Variants in GABRA3 observed in about 807,000 individuals in gnomAD.
GABRA3 encodes gamma-aminobutyric acid type A receptor subunit alpha3.
A neutral mutation model predicts 30.1 loss-of-function variants in GABRA3; 10 were observed. That is an observed-to-expected ratio of 0.33 (90% CI 0.20 to 0.56). The LOEUF is 0.56. Among genes scored for constraint, GABRA3 ranks in the 20% least tolerant of loss-of-function variants. The pLI, the probability that GABRA3 is intolerant of heterozygous loss-of-function variation, is 0.89. For synonymous variants in GABRA3, 151 were observed against 146.8 expected (o/e 1.03, Z -0.21); for missense variants, 233 against 392.0 (o/e 0.59, Z 3.42).
intron 1 of GABRA3, among the ~76,000 whole-genome samples, chrX:152,390,187 G>A (rs980857508): frequency 3.6e-5 from 4 of 111,601 alleles, no homozygotes; most frequent in African/African-American, 6.5e-5. Flanking sequence ...TAATTTGATC[G>A]TCTGAAGCCT....
intron 3 of GABRA3, among the ~76,000 whole-genome samples, chrX:152,313,890 T>C (rs1455751471): frequency 9.0e-6 from 1 of 111,206 alleles, no homozygotes; most frequent in Non-Finnish European, 1.9e-5. Flanking sequence ...GACCCATTCC[T>C]AGGTTTCAAA....
At chrX:152,397,360 AT>A (rs1462959911) in intron 1 of GABRA3, among the ~76,000 whole-genome samples, 1 of 112,482 alleles carries the variant, frequency 8.9e-6, no homozygotes, top group Non-Finnish European at 1.9e-5. Flanking sequence ...GCCTATGGTC[AT>A]TTAAGATTTC....
intron 4 of GABRA3, among the ~76,000 whole-genome samples, chrX:152,260,302 G>T (rs1021343027): frequency 9.8e-5 from 11 of 111,773 alleles, no homozygotes; most frequent in African/African-American, 3.6e-4. Context: ...CAAGGGCCTG[G>T]AAGAATTCAC....
chrX:152,247,236 C>T (rs778377326), intron 5 of GABRA3, among the ~76,000 whole-genome samples: 5 of 111,753 alleles, frequency 4.5e-5, no homozygotes, highest in South Asian at 3.7e-4. Flanking sequence ...GAGAAACTAG[C>T]GCCTATTTCC....
At chrX:152,231,032 A>G (rs758729136) in intron 5 of GABRA3, among the ~76,000 whole-genome samples, 1 of 110,232 alleles carries the variant, frequency 9.1e-6, no homozygotes, top group South Asian at 3.8e-4. Flanking sequence ...AAGAAAGTGA[A>G]TATATTTGTG....
intron 3 of GABRA3, among the ~76,000 whole-genome samples, chrX:152,330,112 T>C (rs1390472498): frequency 8.9e-6 from 1 of 112,162 alleles, no homozygotes; most frequent in Non-Finnish European, 1.9e-5. Flanking sequence ...TCATCATCAC[T>C]GGCCATCAGA....
At chrX:152,350,169 A>T (rs1339657108) in intron 2 of GABRA3, among the ~76,000 whole-genome samples, 3 of 106,139 alleles carry the variant, frequency 2.8e-5, no homozygotes, top group African/African-American at 1.1e-4. Context: ...AAACCGCTCA[A>T]TTACATGGAA....
intron 4 of GABRA3, among the ~76,000 whole-genome samples, chrX:152,275,890 C>A (rs1222694137): frequency 9.1e-6 from 1 of 109,576 alleles, no homozygotes; most frequent in Non-Finnish European, 1.9e-5. Flanking sequence ...AACACACATA[C>A]AAATACTAAT....
chrX:152,322,997 C>T (rs1321473309), intron 3 of GABRA3, among the ~76,000 whole-genome samples: 9 of 106,239 alleles, frequency 8.5e-5, no homozygotes, highest in African/African-American at 1.7e-4. Context: ...GGACTACAGG[C>T]GCGCACCACC....
chrX:152,445,243 C>T lies in GABRA3; in HGVS notation c.-27+5903G>A, dbSNP rs187523258. Among the ~76,000 whole-genome samples, 5 of 109,454 alleles carry T rather than the reference C, an allele frequency of 4.6e-5. No homozygotes were observed. In the East Asian group the frequency reaches 1.4e-3, roughly 31 times the overall value. On this transcript the variant is annotated intron_variant, in intron 1 of 9. Coordinates refer to ENST00000370314, the MANE Select transcript of GABRA3 (RefSeq NM_000808.4). Reference sequence around the variant, plus strand: ...AATCATGCTTTTAAGTATAAAAATGCTTTTATATTACCAACTAGTATTTCC... The same window carrying T: ...AATCATGCTTTTAAGTATAAAAATGTTTTTATATTACCAACTAGTATTTCC...
chrX:152,201,077 C>T (rs1217107621), intron 7 of GABRA3, among the ~76,000 whole-genome samples: 1 of 112,295 alleles, frequency 8.9e-6, no homozygotes. Flanking sequence ...CACGAGTATT[C>T]ACAACTTAGA....
At chrX:152,440,299 G>GCAAAT (rs1244723616) in intron 1 of GABRA3, among the ~76,000 whole-genome samples, 3 of 112,404 alleles carry the variant, frequency 2.7e-5, no homozygotes, top group Non-Finnish European at 5.6e-5. Context: ...TTAGAGAAAT[G>GCAAAT]CAAATCAAAA....
intron 3 of GABRA3, among the ~76,000 whole-genome samples, chrX:152,315,218 C>G (rs193020911): frequency 1.7e-4 from 19 of 111,500 alleles, no homozygotes; most frequent in Non-Finnish European, 3.4e-4. Flanking sequence ...TCATCTGCCC[C>G]CAAACACACA....
intron 2 of GABRA3, among the ~76,000 whole-genome samples, chrX:152,347,816 T>C (rs1322035180): frequency 9.0e-6 from 1 of 111,084 alleles, no homozygotes; most frequent in Admixed American, 9.6e-5. Flanking sequence ...GTGACCAGTC[T>C]GGACAATATG....
intron 1 of GABRA3, among the ~76,000 whole-genome samples, chrX:152,405,694 G>A (rs1929916349): frequency 9.0e-6 from 1 of 111,623 alleles, no homozygotes; most frequent in African/African-American, 3.3e-5. Flanking sequence ...CTAGCTCCTG[G>A]ATGGCATTCC....
intron 3 of GABRA3, among the ~76,000 whole-genome samples, chrX:152,309,480 T>C (rs1463423616): frequency 2.7e-5 from 3 of 109,356 alleles, no homozygotes; most frequent in East Asian, 2.8e-4. Context: ...CCAGAAGAGA[T>C]TGGAGGCCCA....
chrX:152,338,170 T>C (rs1940261670), intron 3 of GABRA3, among the ~76,000 whole-genome samples: 1 of 112,026 alleles, frequency 8.9e-6, no homozygotes, highest in Admixed American at 9.5e-5. Flanking sequence ...GGGCTCTCCT[T>C]TTACTGTATT....
At chrX:152,298,695 G>A (rs1603236885) in intron 3 of GABRA3, among the ~76,000 whole-genome samples, 1 of 111,269 alleles carries the variant, frequency 9.0e-6, no homozygotes, top group East Asian at 2.8e-4. Context: ...ACGTGTGCAT[G>A]TGTCTTTATA....
intron 4 of GABRA3, among the ~76,000 whole-genome samples, chrX:152,273,134 G>C (rs781345874): frequency 9.0e-6 from 1 of 111,629 alleles, no homozygotes; most frequent in Non-Finnish European, 1.9e-5. Flanking sequence ...CAAAAGATCT[G>C]AATAGACATT....
Sources: gnomAD v4.1 joint callset for allele counts (sites outside exome capture counted in the v4.1 genomes callset) on GRCh38, gnomAD v4.1.1 for gene constraint, MANE v1.5 for transcripts, NCBI Gene and HGNC (gene_info 2026-07-23, HGNC 2026-07-21) for gene names.